TFDP2: variants seen among roughly 807,000 people sequenced by gnomAD.
The protein encoded by TFDP2 is transcription factor Dp-2, also known as transcription factor Dp-2 (E2F dimerization partner 2).
A neutral mutation model predicts 59.3 loss-of-function variants in TFDP2; 17 were observed. The ratio of observed to expected loss-of-function variants is 0.29; its 90% confidence interval spans 0.20 to 0.43. The LOEUF (loss-of-function observed/expected upper bound fraction) is 0.43, where lower values mean the gene tolerates loss of function less well. TFDP2 is among the 20% of genes least tolerant of loss of function. The pLI is 1.00. For synonymous variants in TFDP2, 180 were observed against 194.7 expected (o/e 0.92, Z 0.63); for missense variants, 391 against 528.8 (o/e 0.74, Z 2.56).
intron 4 of TFDP2, among the ~76,000 whole-genome samples, chr3:142,003,365 C>G (rs1943965586): frequency 6.6e-6 from 1 of 152,046 alleles, no homozygotes. Flanking sequence ...CTCTTGATCT[C>G]ATGACCCGCC....
chr3:142,052,094 C>G (rs979111956), intron 3 of TFDP2, among the ~76,000 whole-genome samples: 4 of 152,032 alleles, frequency 2.6e-5, no homozygotes, highest in African/African-American at 7.2e-5. Flanking sequence ...CTACTGCACT[C>G]CGGCCAAGCA....
intron 6 of TFDP2, among the ~76,000 whole-genome samples, chr3:141,990,416 A>C (rs1429661610): frequency 6.6e-6 from 1 of 152,088 alleles, no homozygotes; most frequent in African/African-American, 2.4e-5. Flanking sequence ...CTGGGATTAC[A>C]GGCACCCACC....
chr3:142,000,329 C>T (rs1442696947), intron 4 of TFDP2: 4 of 702,616 alleles, frequency 5.7e-6, no homozygotes, highest in African/African-American at 3.5e-5. Context: ...TTCTCTGCTT[C>T]AAAGATGATG....
chr3:142,010,496 C>A (rs1350374444), intron 3 of TFDP2, among the ~76,000 whole-genome samples: 1 of 151,040 alleles, frequency 6.6e-6, no homozygotes, highest in Non-Finnish European at 1.5e-5. Context: ...GTAATCCCAG[C>A]TACTTGGGGG....
At chr3:142,085,186 G>T in intron 3 of TFDP2, among the ~76,000 whole-genome samples, 1 of 152,174 alleles carries the variant, frequency 6.6e-6, no homozygotes, top group East Asian at 1.9e-4. Flanking sequence ...AAGTGCTGGG[G>T]TTACAGGCAT....
At chr3:142,058,375 A>G (rs2059810587) in intron 3 of TFDP2, among the ~76,000 whole-genome samples, 1 of 151,092 alleles carries the variant, frequency 6.6e-6, no homozygotes, top group Non-Finnish European at 1.5e-5. Flanking sequence ...TCAGACACCA[A>G]TTAGGTGTCT....
At chr3:142,085,526 T>C (rs2060785463) in intron 3 of TFDP2, among the ~76,000 whole-genome samples, 1 of 152,166 alleles carries the variant, frequency 6.6e-6, no homozygotes. Flanking sequence ...TGTTTTAATC[T>C]TGTGTATTTG....
In TFDP2 at chr3:141,986,153, A is replaced by G. The variant is rs548388961; in HGVS notation, c.356+7385T>C. On this transcript the variant is annotated intron_variant, in intron 6 of 12. Transcript: ENST00000489671. ...TAGGAATACACCACAGGAGCCCACA[A>G]CATGAGGAAGAAAGCTTTCCTTTTC... is the stretch of plus-strand genomic sequence containing the variant. Among the ~76,000 whole-genome samples, 389 of 152,344 alleles carry G rather than the reference A, an allele frequency of 2.6e-3. 4 individuals are homozygous for G. The highest frequency in any genetic ancestry group is 9.2e-3 in the African/African-American group (381 of 41,582).
chr3:142,059,622 C>G (rs1323454970), intron 3 of TFDP2, among the ~76,000 whole-genome samples: 8 of 151,642 alleles, frequency 5.3e-5, no homozygotes, highest in Non-Finnish European at 8.8e-5. Flanking sequence ...CTCTGTCACC[C>G]AGGGTGGAGT....
At chr3:141,972,450 A>T (rs1398778755) in intron 8 of TFDP2, among the ~76,000 whole-genome samples, 1 of 152,150 alleles carries the variant, frequency 6.6e-6, no homozygotes, top group African/African-American at 2.4e-5. Context: ...CCCTTTGTTT[A>T]CAGGATCAGG....
chr3:142,137,840 CT>C (rs1476695797), intron 1 of TFDP2, among the ~76,000 whole-genome samples: 2 of 151,784 alleles, frequency 1.3e-5, no homozygotes, highest in Non-Finnish European at 2.9e-5. Context: ...ATAAAATTCT[CT>C]TTTTCTGTCT....
At chr3:142,125,723 T>C (rs567687549) in intron 1 of TFDP2, among the ~76,000 whole-genome samples, 2 of 152,186 alleles carry the variant, frequency 1.3e-5, no homozygotes, top group Non-Finnish European at 2.9e-5. Flanking sequence ...TACATTACCA[T>C]CTGTATAAAA....
intron 3 of TFDP2, among the ~76,000 whole-genome samples, chr3:142,061,529 G>A (rs980283637): frequency 6.6e-6 from 1 of 152,016 alleles, no homozygotes; most frequent in African/African-American, 2.4e-5. Flanking sequence ...CCAATGGAGA[G>A]GGGCATCATC....
intron 1 of TFDP2, among the ~76,000 whole-genome samples, chr3:142,109,003 C>T (rs1008524351): frequency 6.6e-6 from 1 of 152,186 alleles, no homozygotes; most frequent in Non-Finnish European, 1.5e-5. Context: ...CAACCTATTG[C>T]TCTCCTACTT....
rs138692041 is a variant in TFDP2 at position 141,991,748 on chromosome 3, T to C, written c.356+1790A>G. Among the ~76,000 whole-genome samples, 357 of 150,332 alleles carry C rather than the reference T, an allele frequency of 2.4e-3. 6 individuals are homozygous for C. The highest frequency in any genetic ancestry group is 7.9e-3 in the African/African-American group (322 of 40,870). On this transcript the variant is annotated intron_variant, in intron 6 of 12. Coordinates refer to ENST00000489671, the MANE Select transcript of TFDP2 (RefSeq NM_001178139.2). ...TGGGCAACAGAGTGACACCCTGTCT[T>C]AAAAACAAAAGAGGCTGGGCGTGGT...
At chr3:142,058,230 C>T (rs531726160) in intron 3 of TFDP2, among the ~76,000 whole-genome samples, 3 of 151,258 alleles carry the variant, frequency 2.0e-5, no homozygotes, top group African/African-American at 7.3e-5. Flanking sequence ...AGCCAGTGAT[C>T]ATACACATAA....
In TFDP2 at chr3:141,952,584, C is replaced by A. The variant is rs1329671500; in HGVS notation, c.1270G>T (p.Gly424Cys). 15 of 1,571,938 alleles carry A rather than the reference C, an allele frequency of 9.5e-6. No individual in the cohort carries two copies. The highest frequency in any genetic ancestry group is 1.3e-5 in the Non-Finnish European group (15 of 1,168,574). ...SAASHCSESR[G>C]ETPCSFNDED... is the part of the protein sequence containing the mutation. Reference sequence around the variant, plus strand: ...TCATTGAACGAACAGGGGGTCTCGCCTCGGGACTCGGAGCAGTGAGAGGCC... The same window carrying A: ...TCATTGAACGAACAGGGGGTCTCGCATCGGGACTCGGAGCAGTGAGAGGCC... Residue 424 changes from glycine to cysteine, a missense_variant, in exon 13 of 13, where the codon GGC (glycine) becomes TGC (cysteine). Physicochemically the swap from Gly to Cys is radical, Grantham distance 159. Around this residue, in one of 3 missense-constraint regions of TFDP2, gnomAD observed 223 missense variants for 292.5 expected, o/e 0.76. Coordinates refer to ENST00000489671, the MANE Select transcript of TFDP2 (RefSeq NM_001178139.2).
chr3:142,132,184 CA>C (rs1025779638), intron 1 of TFDP2, among the ~76,000 whole-genome samples: 1 of 150,000 alleles, frequency 6.7e-6, no homozygotes, highest in Non-Finnish European at 1.5e-5. Flanking sequence ...CTGCAGCATG[CA>C]TAAACCTTGA....
chr3:142,016,344 G>A (rs1205897854), intron 3 of TFDP2, among the ~76,000 whole-genome samples: 2 of 145,228 alleles, frequency 1.4e-5, no homozygotes, highest in African/African-American at 2.6e-5. Flanking sequence ...TGTCACCCAG[G>A]CTAGAGTGCA....
Sources: gnomAD v4.1 joint callset for allele counts (sites outside exome capture counted in the v4.1 genomes callset) on GRCh38, gnomAD v4.1.1 for gene constraint, gnomAD v4.1.1 regional missense constraint, MANE v1.5 for transcripts, NCBI Gene and HGNC (gene_info 2026-07-23, HGNC 2026-07-21) for gene names.